Variants in DAB1 observed in about 807,000 individuals in gnomAD.
DAB1 encodes disabled homolog 1.
A neutral mutation model predicts 64.6 loss-of-function variants in DAB1; 15 were observed. That is an observed-to-expected ratio of 0.23 (90% CI 0.16 to 0.36). The LOEUF is 0.36. Ranked by LOEUF, DAB1 falls within the 10% of genes least tolerant of loss-of-function variation. The probability of loss-of-function intolerance (pLI) is 1.00; values close to 1 mark genes in which losing one functional copy is unlikely to be tolerated. For missense variants in DAB1, 596 were observed against 706.7 expected (o/e 0.84, Z 1.78); for synonymous variants, 235 against 251.9 (o/e 0.93, Z 0.64).
intron 3 of DAB1, among the ~76,000 whole-genome samples, chr1:58,445,683 G>A (rs557998675): frequency 1.3e-5 from 2 of 152,200 alleles, no homozygotes; most frequent in Non-Finnish European, 2.9e-5. Context: ...TGGAGAAATA[G>A]GGGCTTTCCT....
chr1:57,430,525 G>A (rs1327743434), intron 7 of DAB1, among the ~76,000 whole-genome samples: 1 of 151,964 alleles, frequency 6.6e-6, no homozygotes, highest in African/African-American at 2.4e-5. Flanking sequence ...ACAGGCGCCC[G>A]CCACCATGCC....
rs550099012 is a variant in DAB1, at chr1:57,266,247, T to C, written c.67+24717A>G. Among the ~76,000 whole-genome samples, 18 of 152,310 alleles carry C rather than the reference T, an allele frequency of 1.2e-4. No individual in the cohort carries two copies. The South Asian group carries it at 3.5e-3, about 30-fold the overall frequency. Reference sequence around the variant, plus strand: ...AATTTCTTTTTCTTCATGAGTAAAATAGGATTAATAATATTTTCCCTTCAT... The same window carrying C: ...AATTTCTTTTTCTTCATGAGTAAAACAGGATTAATAATATTTTCCCTTCAT... On this transcript the variant is annotated intron_variant, in intron 2 of 14. Transcript: ENST00000371236.
At chr1:58,462,538 TA>T (rs1645254742) in intron 3 of DAB1, 1 of 152,196 alleles carries the variant, frequency 6.6e-6, no homozygotes, top group African/African-American at 2.4e-5. Context: ...AATGGCACAA[TA>T]CAGGTGATTT....
At chr1:57,486,731 C>A (rs1644096732) in intron 7 of DAB1, among the ~76,000 whole-genome samples, 1 of 151,622 alleles carries the variant, frequency 6.6e-6, no homozygotes, top group Non-Finnish European at 1.5e-5. Flanking sequence ...GCTTCAGGTA[C>A]AATAAGAAAA....
chr1:57,510,799 CT>C (rs1304659398), intron 7 of DAB1, among the ~76,000 whole-genome samples: 2 of 151,994 alleles, frequency 1.3e-5, no homozygotes, highest in East Asian at 3.9e-4. Flanking sequence ...ATTTTTTAGA[CT>C]CGGGGTCTCG....
intron 6 of DAB1, among the ~76,000 whole-genome samples, chr1:57,801,952 C>T (rs1426129327): frequency 1.3e-5 from 2 of 152,116 alleles, no homozygotes; most frequent in South Asian, 2.1e-4. Context: ...ACCACTGCAC[C>T]GGGCAGAATA....
At chr1:57,938,609 C>T (rs544568458) in intron 5 of DAB1, among the ~76,000 whole-genome samples, 1 of 152,170 alleles carries the variant, frequency 6.6e-6, no homozygotes, top group Admixed American at 6.5e-5. Flanking sequence ...TTTCCTGAGG[C>T]CTCCCCAACC....
intron 6 of DAB1, among the ~76,000 whole-genome samples, chr1:57,667,188 C>T (rs1222520011): frequency 6.6e-6 from 1 of 152,148 alleles, no homozygotes; most frequent in African/African-American, 2.4e-5. Context: ...GTGTTGAAAT[C>T]TTTGCTAAAA....
intron 5 of DAB1, among the ~76,000 whole-genome samples, chr1:57,961,220 T>C (rs1483065283): frequency 1.3e-5 from 2 of 152,202 alleles, no homozygotes; most frequent in Non-Finnish European, 1.5e-5. Flanking sequence ...ATTATAATAA[T>C]ATACGCATGT....
chr1:58,178,796 G>T (rs753083688), intron 4 of DAB1, among the ~76,000 whole-genome samples: 1 of 152,134 alleles, frequency 6.6e-6, no homozygotes, highest in Non-Finnish European at 1.5e-5. Context: ...TACACAAACT[G>T]AATGCAGGCC....
chr1:57,014,834 T>G, intron 12 of DAB1, 49 bp downstream of exon 12: 1 of 1,468,226 alleles, frequency 6.8e-7, no homozygotes, highest in Non-Finnish European at 9.1e-7. Context: ...CCTCCAGACA[T>G]GAGTTACGGC....
At chr1:57,556,167 C>G (rs984730553) in intron 7 of DAB1, among the ~76,000 whole-genome samples, 1 of 152,142 alleles carries the variant, frequency 6.6e-6, no homozygotes, top group Non-Finnish European at 1.5e-5. Flanking sequence ...TTTTCTTTAT[C>G]CACTCATTGA....
intron 7 of DAB1, among the ~76,000 whole-genome samples, chr1:57,548,430 A>G (rs1041746772): frequency 6.6e-6 from 1 of 152,100 alleles, no homozygotes; most frequent in African/African-American, 2.4e-5. Flanking sequence ...TCACCTTTTC[A>G]ATCCCTACTG....
intron 1 of DAB1, among the ~76,000 whole-genome samples, chr1:57,349,509 G>A (rs775281601): frequency 1.1e-4 from 16 of 151,810 alleles, no homozygotes; most frequent in Non-Finnish European, 2.1e-4. Flanking sequence ...AATAAGTAAG[G>A]GAAAAAAAAG....
downstream of DAB1, among the ~76,000 whole-genome samples, chr1:57,821,727 A>G (rs1241004774): frequency 6.6e-6 from 1 of 152,264 alleles, no homozygotes; most frequent in Non-Finnish European, 1.5e-5. Flanking sequence ...CTTTGCACCA[A>G]GAGCCAAGGA....
chr1:57,111,331 G>T (rs1221312925), intron 4 of DAB1, among the ~76,000 whole-genome samples: 1 of 152,126 alleles, frequency 6.6e-6, no homozygotes, highest in Non-Finnish European at 1.5e-5. Context: ...CTTAGAGCCG[G>T]CTGTAACCTA....
At chr1:58,428,376 G>C (rs1644840002) in intron 3 of DAB1, among the ~76,000 whole-genome samples, 1 of 152,154 alleles carries the variant, frequency 6.6e-6, no homozygotes, top group African/African-American at 2.4e-5. Flanking sequence ...ACACTAGGTG[G>C]ATACAGTCAA....
intron 1 of DAB1, among the ~76,000 whole-genome samples, chr1:58,531,065 A>G (rs926503782): frequency 6.6e-6 from 1 of 152,240 alleles, no homozygotes; most frequent in African/African-American, 2.4e-5. Context: ...TGAGATAGAG[A>G]GAGGTTAAGA....
rs559806323 is a variant in DAB1, at chr1:58,350,828, G to A, written n.258-7425C>T. ...TCTATTGGTCTATATAACTGTTTTGGTACCAGTACCATGCTGTTTTGGTTA... is the reference window on the plus strand; with the variant it reads ...TCTATTGGTCTATATAACTGTTTTGATACCAGTACCATGCTGTTTTGGTTA... On this transcript the variant is annotated intron_variant and non_coding_transcript_variant, in intron 3 of 20. Transcript: ENST00000485760. Among the ~76,000 whole-genome samples, 8 of 152,148 alleles carry A rather than the reference G, an allele frequency of 5.3e-5. 1 individual carries two copies. In the Middle Eastern group the frequency reaches 0.01, roughly 194 times the overall value.
Sources: gnomAD v4.1 joint callset for allele counts (sites outside exome capture counted in the v4.1 genomes callset) on GRCh38, gnomAD v4.1.1 for gene constraint, MANE v1.5 for transcripts, NCBI Gene and HGNC (gene_info 2026-07-23, HGNC 2026-07-21) for gene names.